DOK6: variants seen among roughly 807,000 people sequenced by gnomAD.
The protein encoded by DOK6 is downstream of tyrosine kinase 6.
Under a neutral mutation model 44.0 loss-of-function variants are expected in DOK6, and 22 were observed. That is an observed-to-expected ratio of 0.50 (90% CI 0.36 to 0.71). The LOEUF (loss-of-function observed/expected upper bound fraction) is 0.71. Among genes scored for constraint, DOK6 ranks in the 30% least tolerant of loss-of-function variants. DOK6 has a pLI of 0.00. For missense variants in DOK6, 340 were observed against 416.4 expected, an observed-to-expected ratio of 0.82 and a Z score of 1.60; for synonymous variants, 166 against 145.5, an observed-to-expected ratio of 1.14 and a Z score of -1.01.
intron 5 of DOK6, among the ~76,000 whole-genome samples, chr18:69,702,488 A>G (rs1002353369): frequency 1.3e-5 from 2 of 152,238 alleles, no homozygotes. Context: ...GCCTGTACAC[A>G]CAGGCAACAG....
At chr18:69,596,018 A>C (rs556223714) in intron 2 of DOK6, among the ~76,000 whole-genome samples, 11 of 152,190 alleles carry the variant, frequency 7.2e-5, no homozygotes, top group Non-Finnish European at 1.3e-4. Context: ...AAGCATAAGG[A>C]CACTATACAA....
At chr18:69,740,899 T>C (rs1978778846) in intron 6 of DOK6, among the ~76,000 whole-genome samples, 1 of 152,258 alleles carries the variant, frequency 6.6e-6, no homozygotes. Flanking sequence ...CAAGTATTTC[T>C]AACAATGTTG....
intron 7 of DOK6, among the ~76,000 whole-genome samples, chr18:69,838,081 T>C (rs1982101555): frequency 6.8e-6 from 1 of 146,760 alleles, no homozygotes; most frequent in Admixed American, 6.7e-5. Flanking sequence ...CATCTAAGAT[T>C]CTAGGATTTA....
intron 4 of DOK6, among the ~76,000 whole-genome samples, chr18:69,684,992 T>C (rs778209417): frequency 1.3e-5 from 2 of 152,194 alleles, no homozygotes; most frequent in Non-Finnish European, 2.9e-5. Context: ...CCTTTTCCTC[T>C]GCCAGCTCCT....
chr18:69,826,870 T>G (rs549976932), intron 7 of DOK6, among the ~76,000 whole-genome samples: 8 of 152,168 alleles, frequency 5.3e-5, no homozygotes, highest in Admixed American at 5.2e-4. Flanking sequence ...CCCCTTCTGG[T>G]CCCATTCTTA....
chr18:69,623,910 C>T (rs1200212173), intron 3 of DOK6, among the ~76,000 whole-genome samples: 1 of 152,156 alleles, frequency 6.6e-6, no homozygotes, highest in African/African-American at 2.4e-5. Flanking sequence ...TTTCAGCTTT[C>T]ATGTTTTCCT....
chr18:69,590,562 T>C (rs1169350202), intron 2 of DOK6, among the ~76,000 whole-genome samples: 3 of 152,128 alleles, frequency 2.0e-5, no homozygotes, highest in African/African-American at 7.2e-5. Context: ...AAAGATGAGA[T>C]TAGATGTGCA....
intron 3 of DOK6, among the ~76,000 whole-genome samples, chr18:69,638,311 A>C (rs753069058): frequency 3.9e-5 from 6 of 152,224 alleles, no homozygotes; most frequent in Non-Finnish European, 7.3e-5. Flanking sequence ...GCACTTTGCC[A>C]TACACTTGCC....
At chr18:69,634,996 C>T (rs895148886) in intron 3 of DOK6, among the ~76,000 whole-genome samples, 1 of 152,158 alleles carries the variant, frequency 6.6e-6, no homozygotes, top group Non-Finnish European at 1.5e-5. Context: ...TTCTTCCTGC[C>T]GCAGACAGCC....
chr18:69,563,323 A>G (rs1418740752), intron 1 of DOK6, among the ~76,000 whole-genome samples: 1 of 152,118 alleles, frequency 6.6e-6, no homozygotes, highest in Non-Finnish European at 1.5e-5. Context: ...AAGATTATAA[A>G]TCATGCTGCT....
rs535882009 is a variant in DOK6, at chr18:69,824,128, T to C, written c.857-17116T>C. Among the ~76,000 whole-genome samples, 16 of 151,934 alleles carry C rather than the reference T, an allele frequency of 1.1e-4. No individual in the cohort carries two copies. The South Asian group carries it at 1.5e-3, about 14-fold the overall frequency. ...GTTACATATGTATACATGTGCCATGTTGGTGTGCTGCACCCATTAACTCGT... is the reference window on the plus strand; with the variant it reads ...GTTACATATGTATACATGTGCCATGCTGGTGTGCTGCACCCATTAACTCGT... On this transcript the variant is annotated intron_variant, in intron 7 of 7. Coordinates refer to ENST00000382713, the MANE Select transcript of DOK6 (RefSeq NM_152721.6).
At chr18:69,726,104 G>C (rs1978305581) in intron 5 of DOK6, among the ~76,000 whole-genome samples, 1 of 152,196 alleles carries the variant, frequency 6.6e-6, no homozygotes, top group East Asian at 1.9e-4. Flanking sequence ...GCAGCATGGA[G>C]AGAGGGTTGT....
chr18:69,623,977 C>T (rs1364861019), intron 3 of DOK6, among the ~76,000 whole-genome samples: 4 of 152,108 alleles, frequency 2.6e-5, no homozygotes, highest in African/African-American at 9.7e-5. Flanking sequence ...AGACATAGAG[C>T]CTTTGGCACT....
chr18:69,823,155 T>C (rs959263213), intron 7 of DOK6, among the ~76,000 whole-genome samples: 4 of 152,196 alleles, frequency 2.6e-5, no homozygotes, highest in East Asian at 1.9e-4. Flanking sequence ...TTAATATTTA[T>C]TGAGTGCCTG....
chr18:69,544,929 G>A (rs994855008), intron 1 of DOK6, among the ~76,000 whole-genome samples: 7 of 151,292 alleles, frequency 4.6e-5, no homozygotes, highest in Non-Finnish European at 8.9e-5. Flanking sequence ...AGGAGCTCGA[G>A]ACCATCCTGG....
At chr18:69,814,828 C>T (rs1048517521) in intron 7 of DOK6, among the ~76,000 whole-genome samples, 9 of 152,068 alleles carry the variant, frequency 5.9e-5, no homozygotes, top group African/African-American at 1.9e-4. Flanking sequence ...CCAGGACCCT[C>T]CCCCAACACA....
chr18:69,831,248 G>C (rs1326109623), intron 7 of DOK6: 3 of 152,220 alleles, frequency 2.0e-5, no homozygotes, highest in African/African-American at 7.2e-5. Context: ...CAAACAGTGA[G>C]AAAATGTGCC....
At chr18:69,536,062 G>A (rs376928389) in intron 1 of DOK6, among the ~76,000 whole-genome samples, 3 of 152,142 alleles carry the variant, frequency 2.0e-5, no homozygotes, top group East Asian at 1.9e-4. Context: ...ACAAGGTCCC[G>A]TATAATCAGG....
chr18:69,572,060 T>G (rs910719460), intron 2 of DOK6, among the ~76,000 whole-genome samples: 1 of 152,096 alleles, frequency 6.6e-6, no homozygotes, highest in South Asian at 2.1e-4. Context: ...TCAATAACAA[T>G]GTATTATCTA....
Sources: allele counts gnomAD v4.1 joint callset (sites outside exome capture counted in the v4.1 genomes callset), GRCh38; gene constraint gnomAD v4.1.1; transcripts MANE v1.5; gene names NCBI Gene and HGNC (gene_info 2026-07-23, HGNC 2026-07-21).